CACNG2: variants seen among roughly 807,000 people sequenced by gnomAD.
CACNG2 encodes voltage-dependent calcium channel gamma-2 subunit.
Under a neutral mutation model 25.9 loss-of-function variants are expected in CACNG2, and 3 were observed. That is an observed-to-expected ratio of 0.12 (90% CI 0.05 to 0.30). The LOEUF is 0.30. CACNG2 is among the 10% of genes least tolerant of loss of function. The pLI is 1.00. For missense variants in CACNG2, 341 were observed against 432.5 expected, an observed-to-expected ratio of 0.79 and a Z score of 1.88; for synonymous variants, 167 against 173.3, an observed-to-expected ratio of 0.96 and a Z score of 0.29.
At chr22:36,665,511 G>C (rs2145987975) in intron 1 of CACNG2, among the ~76,000 whole-genome samples, 1 of 152,288 alleles carries the variant, frequency 6.6e-6, no homozygotes, top group Admixed American at 6.5e-5. Context: ...TAAAACCCAT[G>C]AGTGCAAAAA....
At chr22:36,609,813 G>A (rs1935907357) in intron 1 of CACNG2, among the ~76,000 whole-genome samples, 1 of 150,058 alleles carries the variant, frequency 6.7e-6, no homozygotes, top group African/African-American at 2.5e-5. Flanking sequence ...CAGTCCCCCA[G>A]AGCATGATCA....
chr22:36,601,572 C>A (rs1483089431), intron 1 of CACNG2, among the ~76,000 whole-genome samples: 5 of 152,138 alleles, frequency 3.3e-5, no homozygotes, highest in Non-Finnish European at 5.9e-5. Flanking sequence ...TGGCTCACTG[C>A]AACCTTCGCC....
At chr22:36,602,948 A>G (rs1214846635) in intron 1 of CACNG2, among the ~76,000 whole-genome samples, 1 of 152,186 alleles carries the variant, frequency 6.6e-6, no homozygotes, top group East Asian at 1.9e-4. Context: ...CTAAGAGTTC[A>G]AGTGAAAGGA....
At chr22:36,679,231 C>CTTTCTTTCTTTCTTTCTTTCTTTCTTTCT (rs1569049917) in intron 1 of CACNG2, among the ~76,000 whole-genome samples, 10 of 86,742 alleles carry the variant, frequency 1.2e-4, no homozygotes, top group African/African-American at 5.2e-4. Context: ...TCTTTCTTTC[C>CTTTCTTTCTTTCTTTCTTTCTTTCTTTCT]TTCTTTCTTT....
In CACNG2 at chr22:36,703,174, C is replaced by T. The variant is rs1258968260; in HGVS notation, c.-598G>A. 6.4e-6 allele frequency: 1 copy of T among 155,200 alleles called. No homozygotes were observed. Among genetic ancestry groups the T allele is most frequent in the Admixed American group, 6.5e-5 (1 of 15,304 alleles). The allele number at this position is 155,200 out of a possible 1,614,324, so 9.6% of individuals were successfully genotyped here. A position where few individuals can be genotyped will look rare whatever the true frequency, so the allele number is the denominator to read the frequency against. On this transcript the variant is annotated 5_prime_UTR_variant, in exon 1 of 4. Transcript: ENST00000300105. Reference sequence around the variant, plus strand: ...GTTTCAGACCAGACTTCCCAGTATTCTGTAAGCCCTTGAGCTCAGCTGCAC... The same window carrying T: ...GTTTCAGACCAGACTTCCCAGTATTTTGTAAGCCCTTGAGCTCAGCTGCAC...
chr22:36,606,759 T>TGC lies in CACNG2; in HGVS notation c.212-19212_212-19211insGC, dbSNP rs762771896. Among the ~76,000 whole-genome samples, 3 of 69,428 alleles carry TGC rather than the reference T, an allele frequency of 4.3e-5. No homozygotes were observed. Among genetic ancestry groups the TGC allele is most frequent in the Non-Finnish European group, 9.6e-5 (3 of 31,226 alleles). 45.5% of individuals were successfully genotyped at this position (69,428 alleles called of 152,430 possible). ...GGAAACCAGACGGTTGGGCTGTGCG[T>TGC]GTGTGTGTGTGTGTGTGTGTATGTG... On this transcript the variant is annotated intron_variant, in intron 1 of 3. Transcript: ENST00000300105. The surrounding 1 kb of genome is among the most constrained non-coding windows in gnomAD (Gnocchi z 5.7).
chr22:36,653,207 C>T (rs1439928898), intron 1 of CACNG2, among the ~76,000 whole-genome samples: 1 of 152,064 alleles, frequency 6.6e-6, no homozygotes, highest in Non-Finnish European at 1.5e-5. Flanking sequence ...GCCTGTAATC[C>T]CAGCTACTTG....
At chr22:36,640,495 G>T (rs1362519676) in intron 1 of CACNG2, among the ~76,000 whole-genome samples, 2 of 152,216 alleles carry the variant, frequency 1.3e-5, no homozygotes, top group African/African-American at 2.4e-5. Context: ...GGCCTCTGCA[G>T]CTGGACAGCC....
intron 1 of CACNG2, among the ~76,000 whole-genome samples, chr22:36,681,839 G>T (rs1405895044): frequency 6.6e-6 from 1 of 152,188 alleles, no homozygotes. Context: ...CTATACAGTA[G>T]ATCCCAGAGG....
intron 1 of CACNG2, among the ~76,000 whole-genome samples, chr22:36,694,708 C>T (rs1937312077): frequency 6.6e-6 from 1 of 152,140 alleles, no homozygotes; most frequent in Non-Finnish European, 1.5e-5. Context: ...CTAGGACTCC[C>T]CTGGAGGGTC....
rs1038320739 is a variant in CACNG2 at position 36,561,582 on chromosome 22, A to C, written c.*2769T>G. On this transcript the variant is annotated 3_prime_UTR_variant, in exon 4 of 4. Transcript: ENST00000300105. ...AAGGCAGGTGAGATGTGCAAGCTCA[A>C]AAAGCCTTACTAGCCATTCTCTAGA... 6.6e-6 allele frequency: 1 copy of C among 152,232 alleles called. No homozygotes were observed. Among genetic ancestry groups the C allele is most frequent in the Non-Finnish European group, 1.5e-5 (1 of 68,050 alleles). The allele number at this position is 152,232 out of a possible 1,614,324, so 9.4% of individuals were successfully genotyped here. A position where few individuals can be genotyped will look rare whatever the true frequency, so the allele number is the denominator to read the frequency against.
chr22:36,649,161 A>C (rs373950540), intron 1 of CACNG2, among the ~76,000 whole-genome samples: 1 of 151,764 alleles, frequency 6.6e-6, no homozygotes, highest in African/African-American at 2.4e-5. Flanking sequence ...GGAGCTCCCA[A>C]TCTCCCCCGG....
intron 1 of CACNG2, among the ~76,000 whole-genome samples, chr22:36,639,462 T>C (rs1249199561): frequency 6.6e-6 from 1 of 152,058 alleles, no homozygotes; most frequent in African/African-American, 2.4e-5. Flanking sequence ...GGGTCTGGGA[T>C]TGTAGTATTT....
chr22:36,693,348 G>T (rs944083411), intron 1 of CACNG2, among the ~76,000 whole-genome samples: 1 of 152,258 alleles, frequency 6.6e-6, no homozygotes, highest in Middle Eastern at 3.4e-3. Flanking sequence ...TCCCTCTATT[G>T]TACATCACTT....
At chr22:36,570,482 GGGCGC>G (rs1467266405) in intron 2 of CACNG2, among the ~76,000 whole-genome samples, 4 of 152,174 alleles carry the variant, frequency 2.6e-5, no homozygotes, top group African/African-American at 9.7e-5. Context: ...GCAACAGGCC[GGGCGC>G]GGTGGCTCAC....
intron 1 of CACNG2, among the ~76,000 whole-genome samples, chr22:36,680,625 C>G (rs1349174631): frequency 7.6e-6 from 1 of 131,734 alleles, no homozygotes; most frequent in Admixed American, 7.7e-5. Flanking sequence ...ACCACCATCA[C>G]CACCACTAAC....
At chr22:36,571,145 G>C (rs572864408) in intron 2 of CACNG2, among the ~76,000 whole-genome samples, 1 of 152,196 alleles carries the variant, frequency 6.6e-6, no homozygotes, top group East Asian at 1.9e-4. Context: ...GAGGCCCAGC[G>C]GCATTGGCAT....
At chr22:36,612,961 A>G (rs1020961687) in intron 1 of CACNG2, among the ~76,000 whole-genome samples, 3 of 152,160 alleles carry the variant, frequency 2.0e-5, no homozygotes, top group African/African-American at 7.2e-5. Flanking sequence ...CAGCCCCAGG[A>G]GATGCTAAGA....
At chr22:36,661,836 A>G (rs1288554093) in intron 1 of CACNG2, among the ~76,000 whole-genome samples, 2 of 152,108 alleles carry the variant, frequency 1.3e-5, no homozygotes, top group Non-Finnish European at 2.9e-5. Context: ...AACCTTGGCC[A>G]AGCCTCTTAA....
Sources: allele counts gnomAD v4.1 joint callset (sites outside exome capture counted in the v4.1 genomes callset), GRCh38; gene constraint gnomAD v4.1.1; non-coding constraint Gnocchi (gnomAD v3.1); transcripts MANE v1.5; gene names NCBI Gene and HGNC (gene_info 2026-07-23, HGNC 2026-07-21).